PLB1: variants seen among roughly 807,000 people sequenced by gnomAD.
PLB1 encodes phospholipase B1.
A neutral mutation model predicts 227.4 loss-of-function variants in PLB1; 242 were observed. The observed-to-expected ratio is 1.06, with a 90% confidence interval of 0.96 to 1.18. The LOEUF (loss-of-function observed/expected upper bound fraction) is 1.18, where lower values mean the gene tolerates loss of function less well. Among genes scored for constraint, PLB1 ranks in the 50% most tolerant of loss-of-function variants. The pLI is 0.00. For missense variants in PLB1, 1,858 were observed against 1,816.3 expected (o/e 1.02, Z -0.42); for synonymous variants, 757 against 682.2 (o/e 1.11, Z -1.71).
chr2:28,631,246 C>T (rs575983594), intron 54 of PLB1, among the ~76,000 whole-genome samples: 1 of 152,202 alleles, frequency 6.6e-6, no homozygotes, highest in African/African-American at 2.4e-5. Context: ...CCCCTTCCAT[C>T]TCCCCACCTC....
At chr2:28,554,155 A>T (rs1037097282) in intron 17 of PLB1, among the ~76,000 whole-genome samples, 7 of 152,192 alleles carry the variant, frequency 4.6e-5, no homozygotes, top group Non-Finnish European at 1.0e-4. Context: ...ACTCATTCCT[A>T]TTAGTTAACT....
At chr2:28,505,599 A>G (rs1667554572) in intron 1 of PLB1, among the ~76,000 whole-genome samples, 1 of 152,222 alleles carries the variant, frequency 6.6e-6, no homozygotes, top group African/African-American at 2.4e-5. Flanking sequence ...GAGCTGGGTG[A>G]ACTCATTGAG....
Position 28,566,789 on chromosome 2 carries a change from G to C in PLB1, c.1281-7G>C. ...CCTTCATTTTCTTTCTTGGACCCAC[G>C]TTACAGCGTCGGCGGAGATGAGAAC... On this transcript the variant is annotated splice_region_variant and splice_polypyrimidine_tract_variant and intron_variant, in intron 19 of 57. Transcript: ENST00000327757. 1 of 1,614,110 alleles carries C rather than the reference G, an allele frequency of 6.2e-7. No homozygotes were observed. The highest frequency in any genetic ancestry group is 8.5e-7 in the Non-Finnish European group (1 of 1,179,990).
Position 28,632,855 on chromosome 2 carries a change from C to G in PLB1, c.4003-89C>G. The G allele has an allele frequency of 3.4e-6, 3 of 875,344 alleles. No individual in the cohort carries two copies. In the South Asian group the frequency reaches 4.4e-5, roughly 13 times the overall value. The allele number at this position is 875,344 out of a possible 1,614,324, so 54.2% of individuals were successfully genotyped here. ...GGAAAGTTGAAAGAATGAAAGGAGA[C>G]ATGCCCAGGGCACCTGCTGGGAGAG... On this transcript the variant is annotated intron_variant, in intron 55 of 57. Coordinates refer to ENST00000327757, the MANE Select transcript of PLB1 (RefSeq NM_153021.5).
chr2:28,609,215 C>G (rs1274675217), intron 43 of PLB1, among the ~76,000 whole-genome samples: 2 of 152,260 alleles, frequency 1.3e-5, no homozygotes, highest in African/African-American at 2.4e-5. Flanking sequence ...CAGCTGTGCC[C>G]GGCCTCTGTT....
intron 56 of PLB1, among the ~76,000 whole-genome samples, chr2:28,638,379 C>G (rs1689609486): frequency 6.6e-6 from 1 of 151,958 alleles, no homozygotes; most frequent in Admixed American, 6.6e-5. Flanking sequence ...GCCAATGTGA[C>G]CAGAGGGAAG....
rs72863328 is a variant in PLB1, at chr2:28,577,299, C to A, written c.1434-808C>A. ...AGTGATCTTGTCTCCATTTTGTAGT[C>A]TTTTTGAACTGAGAATTTAAGTCAC... On this transcript the variant is annotated intron_variant, in intron 21 of 57. Transcript: ENST00000327757. 6.2e-3 allele frequency among the ~76,000 whole-genome samples: 948 copies of A among 152,268 alleles called. 14 individuals are homozygous for A. The highest frequency in any genetic ancestry group is 0.022 in the African/African-American group (912 of 41,550).
intron 14 of PLB1, among the ~76,000 whole-genome samples, chr2:28,544,901 CAG>C (rs1311638890): frequency 2.6e-5 from 4 of 152,142 alleles, no homozygotes; most frequent in Non-Finnish European, 4.4e-5. Context: ...GAGCACCAGA[CAG>C]AGAAGCTGGA....
intron 23 of PLB1, among the ~76,000 whole-genome samples, chr2:28,581,505 ATAAAT>A (rs1679990117): frequency 5.4e-5 from 7 of 129,180 alleles, no homozygotes; most frequent in Admixed American, 2.2e-4. Flanking sequence ...AAATAAATAA[ATAAAT>A]AAATAAATAA....
At position 28,643,283 on chromosome 2, in the gene PLB1, G is replaced by A; in HGVS notation, c.*222G>A. 1 of 447,146 alleles carries A rather than the reference G, an allele frequency of 2.2e-6. No homozygotes were observed. Among genetic ancestry groups the A allele is most frequent in the East Asian group, 3.4e-5 (1 of 29,302 alleles). 27.7% of individuals were successfully genotyped at this position (447,146 alleles called of 1,614,324 possible). A position where few individuals can be genotyped will look rare whatever the true frequency, so the allele number is the denominator to read the frequency against. ...AGCTATTTTATTCCTGGGTTTGCCT[G>A]CGTGAAGCACTCACCTTCCATCTCT... On this transcript the variant is annotated 3_prime_UTR_variant, in exon 58 of 58. Coordinates refer to ENST00000327757, the MANE Select transcript of PLB1 (RefSeq NM_153021.5).
intron 19 of PLB1, 83 bp from the exon 20 acceptor site, chr2:28,566,713 G>A (rs1366110670): frequency 1.4e-5 from 21 of 1,469,160 alleles, no homozygotes; most frequent in East Asian, 6.8e-5. Flanking sequence ...CTCGGGAGAC[G>A]GGCGTTTCTG....
intron 28 of PLB1, 70 bp from the exon 29 acceptor site, chr2:28,589,935 G>T: frequency 6.8e-7 from 1 of 1,473,674 alleles, no homozygotes; most frequent in South Asian, 1.1e-5. Context: ...CCGCACCCCT[G>T]ACCTGCGTCC....
chr2:28,529,134 A>G (rs1031648935), intron 6 of PLB1, among the ~76,000 whole-genome samples, 183 bp from the exon 7 acceptor site: 1 of 151,770 alleles, frequency 6.6e-6, no homozygotes, highest in Non-Finnish European at 1.5e-5. Flanking sequence ...TCATAGAGAC[A>G]GGGTTTTGCT....
At chr2:28,524,305 G>A (rs1429301650) in intron 4 of PLB1, among the ~76,000 whole-genome samples, 1 of 152,184 alleles carries the variant, frequency 6.6e-6, no homozygotes, top group Non-Finnish European at 1.5e-5. Context: ...GATTTGCTAA[G>A]TATTTTATAT....
rs1181389933 is a variant in PLB1 at position 28,520,174 on chromosome 2, C to T, written c.243+411C>T. On this transcript the variant is annotated intron_variant, in intron 4 of 57. Transcript: ENST00000327757. ...AACTCCTGACCTCAGGTAATCTGCC[C>T]GCCTTGGCCCCCCAAAGTGCTGGGA... 2.6e-5 allele frequency among the ~76,000 whole-genome samples: 4 copies of T among 151,572 alleles called. No homozygotes were observed. The East Asian group carries it at 5.8e-4, about 22-fold the overall frequency.
intron 11 of PLB1, 77 bp downstream of exon 11, chr2:28,539,255 G>A: frequency 7.6e-7 from 1 of 1,309,036 alleles, no homozygotes; most frequent in Non-Finnish European, 1.1e-6. Context: ...CCCTTCATGT[G>A]CCGTAATCTA....
At chr2:28,604,186 C>T (rs1684323513) in intron 40 of PLB1, 139 bp downstream of exon 40, 1 of 749,962 alleles carries the variant, frequency 1.3e-6, no homozygotes, top group African/African-American at 1.7e-5. Context: ...GCCTGGGTGC[C>T]TTCCTCTGTC....
rs536742865 is a variant in PLB1, at chr2:28,543,561, C to T, written c.936+293C>T. Among the ~76,000 whole-genome samples, 16 of 152,354 alleles carry T rather than the reference C, an allele frequency of 1.1e-4. No homozygotes were observed. The East Asian group carries it at 3.1e-3, about 29-fold the overall frequency. On this transcript the variant is annotated intron_variant, in intron 14 of 57. Coordinates refer to ENST00000327757, the MANE Select transcript of PLB1 (RefSeq NM_153021.5). The stretch of plus-strand genomic sequence containing the variant: ...GTTTCTCAGAGTCTGTGTGGAAGAC[C>T]TGCTTGAGTCAAGCACTGGGGAATG...
intron 56 of PLB1, among the ~76,000 whole-genome samples, chr2:28,637,980 C>T (rs1689562374): frequency 6.6e-6 from 1 of 152,074 alleles, no homozygotes; most frequent in South Asian, 2.1e-4. Flanking sequence ...CCAAGCCTTC[C>T]CCCGCCAAGC....
Sources: gnomAD v4.1 joint callset for allele counts (sites outside exome capture counted in the v4.1 genomes callset) on GRCh38, gnomAD v4.1.1 for gene constraint, MANE v1.5 for transcripts, NCBI Gene and HGNC (gene_info 2026-07-23, HGNC 2026-07-21) for gene names.